TUSC3: variants seen among roughly 807,000 people sequenced by gnomAD.
TUSC3 encodes the protein dolichyl-diphosphooligosaccharide--protein glycosyltransferase subunit TUSC3.
TUSC3 carries 45 observed loss-of-function variants against 44.8 expected under a neutral mutation model. That is an observed-to-expected ratio of 1.00 (90% CI 0.79 to 1.29). The LOEUF (loss-of-function observed/expected upper bound fraction) is 1.29. Ranked by LOEUF, TUSC3 falls within the 50% of genes most tolerant of loss-of-function variation. The probability of loss-of-function intolerance (pLI) is 0.00; values close to 1 mark genes in which losing one functional copy is unlikely to be tolerated. For missense variants in TUSC3, 519 were observed against 437.9 expected (o/e 1.19, Z -1.65); for synonymous variants, 212 against 152.9 (o/e 1.39, Z -2.85).
chr8:15,678,826 A>G (rs1389668304), intron 6 of TUSC3, among the ~76,000 whole-genome samples: 1 of 152,090 alleles, frequency 6.6e-6, no homozygotes, highest in East Asian at 1.9e-4. Flanking sequence ...TCTAATGTAT[A>G]TGTTCGTATG....
intron 6 of TUSC3, among the ~76,000 whole-genome samples, chr8:15,717,262 A>C (rs1810092982): frequency 1.3e-5 from 2 of 152,128 alleles, no homozygotes; most frequent in Admixed American, 1.3e-4. Flanking sequence ...CCTTAAAATC[A>C]AGGTGAATTT....
intron 1 of TUSC3, among the ~76,000 whole-genome samples, chr8:15,570,696 C>G (rs1284086176): frequency 1.3e-5 from 2 of 151,950 alleles, no homozygotes; most frequent in African/African-American, 4.8e-5. Context: ...AGGTGAACTT[C>G]AAGAGTTGAA....
intron 5 of TUSC3, among the ~76,000 whole-genome samples, chr8:15,670,828 T>C (rs527428359): frequency 1.3e-5 from 2 of 151,862 alleles, no homozygotes; most frequent in African/African-American, 4.8e-5. Context: ...ATATAAAGAA[T>C]CTTGACAAAA....
intron 6 of TUSC3, among the ~76,000 whole-genome samples, chr8:15,702,003 G>A (rs1809426855): frequency 6.6e-6 from 1 of 152,130 alleles, no homozygotes; most frequent in Non-Finnish European, 1.5e-5. Flanking sequence ...AGAGATAAGA[G>A]GTTGTTGATG....
At chr8:15,703,822 G>A (rs1006869280) in intron 6 of TUSC3, among the ~76,000 whole-genome samples, 2 of 152,046 alleles carry the variant, frequency 1.3e-5, no homozygotes, top group African/African-American at 4.8e-5. Flanking sequence ...CCAACAAATG[G>A]GGATCACATT....
intron 2 of TUSC3, among the ~76,000 whole-genome samples, chr8:15,636,086 C>G (rs944301447): frequency 6.6e-6 from 1 of 152,148 alleles, no homozygotes; most frequent in Non-Finnish European, 1.5e-5. Flanking sequence ...GGGTCTTGGT[C>G]AGGACTATGA....
intron 3 of TUSC3, 111 bp from the exon 4 acceptor site, chr8:15,659,396 G>T: frequency 7.3e-7 from 1 of 1,373,032 alleles, no homozygotes; most frequent in East Asian, 2.5e-5. Flanking sequence ...AAAACCACTT[G>T]GATTTTCATA....
intron 1 of TUSC3, among the ~76,000 whole-genome samples, chr8:15,567,316 C>T (rs1187430438): frequency 6.6e-6 from 1 of 152,110 alleles, no homozygotes; most frequent in African/African-American, 2.4e-5. Context: ...TTTACTTAGC[C>T]ACCAAACATT....
chr8:15,764,071 T>C (rs1348157631), intron 10 of TUSC3, 132 bp from the exon 11 acceptor site: 1 of 973,552 alleles, frequency 1.0e-6, no homozygotes, highest in Non-Finnish European at 1.5e-6. Context: ...ATGTAAAAAT[T>C]ACAATTAGTT....
intron 6 of TUSC3, among the ~76,000 whole-genome samples, chr8:15,684,325 G>T (rs1808538640): frequency 6.6e-6 from 1 of 152,150 alleles, no homozygotes; most frequent in Non-Finnish European, 1.5e-5. Context: ...AGAGTGAGTT[G>T]TGGAGTGTGT....
chr8:15,439,749 A>G (rs1183183193), intron 1 of TUSC3, among the ~76,000 whole-genome samples: 1 of 152,088 alleles, frequency 6.6e-6, no homozygotes, highest in Non-Finnish European at 1.5e-5. Flanking sequence ...TTTTATCTTA[A>G]TAAGTATTTC....
chr8:15,551,434 C>T lies in TUSC3; in HGVS notation c.138+10866C>T, dbSNP rs1174929494. On this transcript the variant is annotated intron_variant, in intron 1 of 10. Transcript: ENST00000503731. ...CTTTCTTATAAAGAAGCCTAAATAA[C>T]GTTAATTTTCAACAATTTAATTGAG... 2.0e-5 allele frequency among the ~76,000 whole-genome samples: 3 copies of T among 151,644 alleles called. 1 individual carries two copies. Among genetic ancestry groups the T allele is most frequent in the African/African-American group, 4.8e-5 (2 of 41,372 alleles).
At chr8:15,562,996 C>T (rs563518675) in intron 1 of TUSC3, among the ~76,000 whole-genome samples, 1 of 151,982 alleles carries the variant, frequency 6.6e-6, no homozygotes, top group South Asian at 2.1e-4. Context: ...TGTCCATGCC[C>T]AGGGGAGGCA....
At chr8:15,515,181 G>A (rs1585072379) in intron 2 of TUSC3, among the ~76,000 whole-genome samples, 1 of 152,044 alleles carries the variant, frequency 6.6e-6, no homozygotes, top group Non-Finnish European at 1.5e-5. Context: ...AGATTGTTTT[G>A]GCTACTTGGG....
intron 1 of TUSC3, among the ~76,000 whole-genome samples, chr8:15,451,641 G>A (rs1032371078): frequency 5.3e-5 from 8 of 152,108 alleles, no homozygotes; most frequent in African/African-American, 1.9e-4. Context: ...TATCCTCTTA[G>A]AATAAAAGAG....
chr8:15,534,177 C>T (rs752308720), intron 2 of TUSC3, among the ~76,000 whole-genome samples: 2 of 151,854 alleles, frequency 1.3e-5, no homozygotes, highest in Non-Finnish European at 2.9e-5. Flanking sequence ...AGCCTTATTA[C>T]TATAATTATG....
chr8:15,566,804 G>T (rs1349457427), intron 1 of TUSC3, among the ~76,000 whole-genome samples: 1 of 152,012 alleles, frequency 6.6e-6, no homozygotes, highest in Non-Finnish European at 1.5e-5. Context: ...GTGTGTATGT[G>T]TTTGTGTTTG....
At chr8:15,721,760 T>G (rs2129204397) in intron 6 of TUSC3, among the ~76,000 whole-genome samples, 1 of 152,200 alleles carries the variant, frequency 6.6e-6, no homozygotes, top group South Asian at 2.1e-4. Context: ...CTAAAATTAC[T>G]TAAGCAGTTC....
chr8:15,595,814 A>T (rs907578331), intron 1 of TUSC3, among the ~76,000 whole-genome samples: 2 of 152,164 alleles, frequency 1.3e-5, no homozygotes, highest in African/African-American at 4.8e-5. Flanking sequence ...TGTGGAAATA[A>T]AAATAGACTT....
Sources: gnomAD v4.1 joint callset for allele counts (sites outside exome capture counted in the v4.1 genomes callset) on GRCh38, gnomAD v4.1.1 for gene constraint, MANE v1.5 for transcripts, NCBI Gene and HGNC (gene_info 2026-07-23, HGNC 2026-07-21) for gene names.